PRCP: variants seen among roughly 807,000 people sequenced by gnomAD.
PRCP encodes the protein prolylcarboxypeptidase.
In PRCP, 46 loss-of-function variants were observed where a neutral mutation model predicts 54.2. The observed-to-expected ratio is 0.85, with a 90% confidence interval of 0.67 to 1.09. The LOEUF (loss-of-function observed/expected upper bound fraction) is 1.09. PRCP is among the 50% of genes least tolerant of loss of function. The pLI, the probability that PRCP is intolerant of heterozygous loss-of-function variation, is 0.00. For missense variants in PRCP, 613 were observed against 596.8 expected (o/e 1.03, Z -0.28); for synonymous variants, 240 against 212.2 (o/e 1.13, Z -1.14).
At chr11:82,891,706 C>G (rs1191083994) in intron 1 of PRCP, among the ~76,000 whole-genome samples, 1 of 152,184 alleles carries the variant, frequency 6.6e-6, no homozygotes, top group Non-Finnish European at 1.5e-5. Flanking sequence ...TAGACATTCC[C>G]TGTGCCTAGA....
intron 1 of PRCP, among the ~76,000 whole-genome samples, chr11:82,862,374 C>T (rs986004777): frequency 2.0e-5 from 3 of 152,204 alleles, no homozygotes; most frequent in African/African-American, 7.2e-5. Flanking sequence ...AGCACAGAGT[C>T]TCACTGAGCC....
chr11:82,893,642 A>C (rs1860052732), intron 1 of PRCP, among the ~76,000 whole-genome samples: 2 of 152,152 alleles, frequency 1.3e-5, no homozygotes, highest in African/African-American at 4.8e-5. Flanking sequence ...AAGATTAAAA[A>C]ATTAGCCAGG....
chr11:82,900,058 G>GA, intron 1 of PRCP, 177 bp downstream of exon 1: 2 of 796,330 alleles, frequency 2.5e-6, no homozygotes, highest in East Asian at 2.8e-5. Context: ...AATGGGAGGA[G>GA]AAAATTTAAA....
chr11:82,887,006 A>G (rs879865680), intron 1 of PRCP, among the ~76,000 whole-genome samples: 1 of 152,210 alleles, frequency 6.6e-6, no homozygotes, highest in Non-Finnish European at 1.5e-5. Context: ...CTCCAAGGTC[A>G]TCATCTTTGA....
chr11:82,842,870 T>C (rs1038977829), intron 6 of PRCP, among the ~76,000 whole-genome samples: 6 of 152,228 alleles, frequency 3.9e-5, no homozygotes, highest in Admixed American at 3.9e-4. Flanking sequence ...AGTCCAAGCA[T>C]CATCCTCTAC....
intron 1 of PRCP, among the ~76,000 whole-genome samples, chr11:82,890,914 G>T (rs901893489): frequency 6.6e-6 from 1 of 152,148 alleles, no homozygotes; most frequent in African/African-American, 2.4e-5. Context: ...TCCTTAACTG[G>T]TTCCCCATTT....
intron 3 of PRCP, among the ~76,000 whole-genome samples, chr11:82,852,532 T>C (rs186387045): frequency 6.6e-6 from 1 of 152,278 alleles, no homozygotes; most frequent in East Asian, 1.9e-4. Flanking sequence ...GTTTAAAAAG[T>C]GAGCTGATTA....
chr11:82,886,384 A>C (rs1236741653), intron 1 of PRCP, among the ~76,000 whole-genome samples: 1 of 152,166 alleles, frequency 6.6e-6, no homozygotes, highest in African/African-American at 2.4e-5. Context: ...TCCTAGGCTC[A>C]AGTGATCCTC....
intron 1 of PRCP, among the ~76,000 whole-genome samples, chr11:82,899,805 A>C (rs1480241337): frequency 3.3e-5 from 5 of 152,246 alleles, no homozygotes; most frequent in African/African-American, 9.6e-5. Flanking sequence ...ATAACTATCC[A>C]ATATTTTCTA....
intron 6 of PRCP, among the ~76,000 whole-genome samples, chr11:82,844,982 G>T (rs1858771217): frequency 1.3e-5 from 2 of 148,274 alleles, no homozygotes; most frequent in African/African-American, 5.0e-5. Context: ...CAAAAACTTA[G>T]AATGAATTTT....
intron 8 of PRCP, chr11:82,835,835 C>A: frequency 2.0e-6 from 1 of 503,914 alleles, no homozygotes; most frequent in South Asian, 1.5e-5. Flanking sequence ...AGAGGAGGAC[C>A]TTGACATTAT....
chr11:82,870,560 C>A (rs1859455230), intron 1 of PRCP, among the ~76,000 whole-genome samples: 1 of 152,086 alleles, frequency 6.6e-6, no homozygotes, highest in Admixed American at 6.5e-5. Context: ...CATATAACAC[C>A]TTAGTTTTTA....
intron 1 of PRCP, among the ~76,000 whole-genome samples, chr11:82,898,568 A>G (rs1288697826): frequency 6.6e-6 from 1 of 152,198 alleles, no homozygotes; most frequent in Non-Finnish European, 1.5e-5. Flanking sequence ...AAGCTGAAAG[A>G]GATCCAAGAG....
chr11:82,876,821 C>G (rs777736642), intron 1 of PRCP, among the ~76,000 whole-genome samples: 7 of 152,052 alleles, frequency 4.6e-5, no homozygotes, highest in African/African-American at 9.7e-5. Flanking sequence ...TAAATTGGTA[C>G]CAGTAGAGTG....
chr11:82,891,371 C>T (rs1860006064), intron 1 of PRCP, among the ~76,000 whole-genome samples: 1 of 152,178 alleles, frequency 6.6e-6, no homozygotes. Context: ...TGAAATTTTG[C>T]AACAACCTGG....
Position 82,838,309 on chromosome 11 carries a change from T to C in PRCP, c.1274+78A>G, listed in dbSNP as rs1858574220. 4 of 1,348,242 alleles carry C rather than the reference T, an allele frequency of 3.0e-6. No individual in the cohort carries two copies. The Admixed American group carries it at 6.1e-5, about 21-fold the overall frequency. The allele number at this position is 1,348,242 out of a possible 1,614,324, so 83.5% of individuals were successfully genotyped here. A position where few individuals can be genotyped will look rare whatever the true frequency, so the allele number is the denominator to read the frequency against. On this transcript the variant is annotated intron_variant, in intron 8 of 8. Transcript: ENST00000313010. ...TTCTATGTTGTTATATTGTCCAGCA[T>C]TTCCCTGGTTCTGTTTTTTCAGATA...
intron 1 of PRCP, among the ~76,000 whole-genome samples, chr11:82,878,681 G>C (rs185349661): frequency 2.6e-4 from 40 of 152,298 alleles, no homozygotes; most frequent in Admixed American, 4.6e-4. Context: ...GGCTAGTACC[G>C]GTTGTTCCTT....
intron 8 of PRCP, among the ~76,000 whole-genome samples, chr11:82,835,028 C>T (rs944723976): frequency 6.6e-6 from 1 of 152,156 alleles, no homozygotes; most frequent in African/African-American, 2.4e-5. Flanking sequence ...CATGCCATTG[C>T]ACTTCAGCCT....
In PRCP at chr11:82,856,673, C is replaced by G. The variant is rs184211165; in HGVS notation, c.309+3304G>C. 7.1e-3 allele frequency among the ~76,000 whole-genome samples: 1,079 copies of G among 151,316 alleles called. 6 individuals carry two copies. The highest frequency in any genetic ancestry group is 0.012 in the Non-Finnish European group (816 of 67,876). On this transcript the variant is annotated intron_variant, in intron 2 of 8. Coordinates refer to ENST00000313010, the MANE Select transcript of PRCP (RefSeq NM_005040.4). ...GTTAACAAACCTGCACATGTACCCC[C>G]TGAACCTAAAATAAAAGTCAAGAAA...
Sources: gnomAD v4.1 joint callset for allele counts (sites outside exome capture counted in the v4.1 genomes callset) on GRCh38, gnomAD v4.1.1 for gene constraint, MANE v1.5 for transcripts, NCBI Gene and HGNC (gene_info 2026-07-23, HGNC 2026-07-21) for gene names.